The following PCDH11X variants were observed in gnomAD, a reference collection of about 807,000 sequenced individuals.
The protein encoded by PCDH11X is protocadherin-11 X-linked.
A neutral mutation model predicts 53.3 loss-of-function variants in PCDH11X; 18 were observed. That is an observed-to-expected ratio of 0.34 (90% confidence interval 0.23 to 0.50). PCDH11X has a LOEUF of 0.50. Among genes scored for constraint, PCDH11X ranks in the 20% least tolerant of loss-of-function variants. The pLI, the probability that PCDH11X is intolerant of heterozygous loss-of-function variation, is 0.98. For missense variants in PCDH11X, 570 were observed against 1,032.4 expected, an observed-to-expected ratio of 0.55 and a Z score of 6.14; for synonymous variants, 279 against 393.3, an observed-to-expected ratio of 0.71 and a Z score of 3.44.
intron 7 of PCDH11X, among the ~76,000 whole-genome samples, chrX:92,219,210 G>A (rs1459175136): frequency 1.3e-4 from 14 of 110,694 alleles, no homozygotes; most frequent in Non-Finnish European, 2.3e-4. Context: ...AATTAGGCAG[G>A]AGAAGGAAAT....
Position 91,911,568 on chromosome X carries a change from A to C in PCDH11X, c.3033+32295A>C, listed in dbSNP as rs532528665. Among the ~76,000 whole-genome samples the C allele has an allele frequency of 1.2e-3, 132 of 107,958 alleles. 3 individuals carry two copies. The South Asian group carries it at 0.053, about 43-fold the overall frequency. The allele number at this position is 107,958 out of a possible 115,157, so 93.7% of individuals were successfully genotyped here. ...TACTACATCTTATTCATTCTTTCTG[A>C]CTATATTTTTGTGTCCATTAATCAT... On this transcript the variant is annotated intron_variant, in intron 6 of 10. Transcript: ENST00000682573.
At chrX:92,025,366 AC>A (rs934166286) in intron 6 of PCDH11X, among the ~76,000 whole-genome samples, 30 of 107,069 alleles carry the variant, frequency 2.8e-4, no homozygotes, top group African/African-American at 8.2e-4. Context: ...AGAAAAAAAA[AC>A]AAACAACCCC....
At chrX:92,244,913 T>C (rs1162679072) in intron 7 of PCDH11X, among the ~76,000 whole-genome samples, 1 of 111,905 alleles carries the variant, frequency 8.9e-6, no homozygotes, top group Non-Finnish European at 1.9e-5. Flanking sequence ...CTTCCAAAAG[T>C]ACCAATGATA....
At chrX:92,611,014 T>A (rs887535445) in intron 10 of PCDH11X, among the ~76,000 whole-genome samples, 4 of 111,525 alleles carry the variant, frequency 3.6e-5, no homozygotes, top group Non-Finnish European at 7.6e-5. Flanking sequence ...TAGTACAGTC[T>A]GAAGTCAGAT....
chrX:92,308,149 A>G (rs2068870147), intron 8 of PCDH11X, among the ~76,000 whole-genome samples: 1 of 107,302 alleles, frequency 9.3e-6, no homozygotes, highest in Non-Finnish European at 1.9e-5. Flanking sequence ...CTAGAAAAAT[A>G]CATCCTAAGA....
chrX:91,829,686 T>TA (rs1304394207), intron 4 of PCDH11X, among the ~76,000 whole-genome samples: 1 of 111,488 alleles, frequency 9.0e-6, no homozygotes, highest in Non-Finnish European at 1.9e-5. Context: ...GTTACCTTCT[T>TA]AAAATGTGAT....
intron 6 of PCDH11X, among the ~76,000 whole-genome samples, chrX:91,975,500 C>T (rs373314317): frequency 9.0e-6 from 1 of 110,739 alleles, no homozygotes; most frequent in Non-Finnish European, 1.9e-5. Context: ...TGGTAGTTGA[C>T]AGCATATGGT....
intron 6 of PCDH11X, among the ~76,000 whole-genome samples, chrX:92,082,626 C>T (rs2063878969): frequency 9.3e-6 from 1 of 107,566 alleles, no homozygotes; most frequent in African/African-American, 3.4e-5. Flanking sequence ...CATTTGACTG[C>T]ATGTGAAAGC....
chrX:92,287,371 T>C (rs999400434), intron 8 of PCDH11X, among the ~76,000 whole-genome samples: 1 of 111,234 alleles, frequency 9.0e-6, no homozygotes, highest in African/African-American at 3.3e-5. Flanking sequence ...TGGTGTGTGT[T>C]GTTCCTGCCT....
At chrX:92,296,489 A>T (rs1185830621) in intron 8 of PCDH11X, among the ~76,000 whole-genome samples, 2 of 109,402 alleles carry the variant, frequency 1.8e-5, no homozygotes, top group Non-Finnish European at 3.8e-5. Context: ...ATAAGTGAGA[A>T]CATGTGGTAT....
intron 7 of PCDH11X, 47 bp downstream of exon 7, chrX:92,201,502 AT>A: frequency 1.3e-6 from 1 of 797,533 alleles, no homozygotes; most frequent in Non-Finnish European, 1.8e-6. Context: ...CTTTTAAATG[AT>A]TTTTATAAAT....
intron 6 of PCDH11X, among the ~76,000 whole-genome samples, chrX:91,931,631 A>T (rs1303231997): frequency 9.1e-6 from 1 of 110,083 alleles, no homozygotes; most frequent in Non-Finnish European, 1.9e-5. Flanking sequence ...AAACTTCTAG[A>T]TAAAAAGAAA....
intron 6 of PCDH11X, among the ~76,000 whole-genome samples, chrX:91,939,566 C>A (rs1269620433): frequency 9.2e-6 from 1 of 108,388 alleles, no homozygotes. Context: ...TCAAATTGCT[C>A]AAACTCAATG....
At chrX:92,393,043 A>G (rs1377157029) in intron 9 of PCDH11X, among the ~76,000 whole-genome samples, 6 of 110,861 alleles carry the variant, frequency 5.4e-5, no homozygotes, top group Non-Finnish European at 1.1e-4. Context: ...GCCCAGGAAA[A>G]TTTGACTCCA....
chrX:92,172,131 C>A (rs1377233463), intron 6 of PCDH11X, among the ~76,000 whole-genome samples: 1 of 109,998 alleles, frequency 9.1e-6, no homozygotes, highest in East Asian at 2.9e-4. Context: ...CTGTTCATTT[C>A]TTTTTCTTGC....
At chrX:91,990,286 A>T (rs1343845496) in intron 6 of PCDH11X, among the ~76,000 whole-genome samples, 1 of 104,952 alleles carries the variant, frequency 9.5e-6, no homozygotes, top group Non-Finnish European at 1.9e-5. Flanking sequence ...TTATCATTTG[A>T]CTCTTATTTA....
chrX:92,532,959 T>C (rs1159577721), intron 10 of PCDH11X, among the ~76,000 whole-genome samples: 2 of 110,011 alleles, frequency 1.8e-5, no homozygotes, highest in Non-Finnish European at 3.8e-5. Flanking sequence ...TTCTCTATCA[T>C]GGGAATAGCA....
chrX:92,150,282 T>C (rs2065410345), intron 6 of PCDH11X, among the ~76,000 whole-genome samples: 1 of 111,478 alleles, frequency 9.0e-6, no homozygotes, highest in Non-Finnish European at 1.9e-5. Flanking sequence ...TTTTTAGTTG[T>C]AGCCATTCTA....
intron 6 of PCDH11X, among the ~76,000 whole-genome samples, chrX:92,126,651 T>A (rs1337271075): frequency 9.2e-5 from 10 of 109,122 alleles, no homozygotes; most frequent in Admixed American, 2.9e-4. Flanking sequence ...AAATAAATTT[T>A]AAAAAAATCT....
Sources: gnomAD v4.1 joint callset for allele counts (sites outside exome capture counted in the v4.1 genomes callset) on GRCh38, gnomAD v4.1.1 for gene constraint, MANE v1.5 for transcripts, NCBI Gene and HGNC (gene_info 2026-07-23, HGNC 2026-07-21) for gene names.